CDKAL1: variants seen among roughly 807,000 people sequenced by gnomAD.
CDKAL1 encodes threonylcarbamoyladenosine tRNA methylthiotransferase.
In CDKAL1, 32 loss-of-function variants were observed where a neutral mutation model predicts 68.2. That is an observed-to-expected ratio of 0.47 (90% CI 0.35 to 0.63). The LOEUF is 0.63. CDKAL1 is among the 30% of genes least tolerant of loss of function. CDKAL1 has a pLI of 0.00. For missense variants in CDKAL1, 606 were observed against 696.7 expected, an observed-to-expected ratio of 0.87 and a Z score of 1.47; for synonymous variants, 234 against 244.3, an observed-to-expected ratio of 0.96 and a Z score of 0.39.
intron 11 of CDKAL1, among the ~76,000 whole-genome samples, chr6:21,009,477 A>G (rs1308506957): frequency 1.3e-5 from 2 of 152,224 alleles, no homozygotes; most frequent in African/African-American, 2.4e-5. Context: ...CAGAATGACT[A>G]TGTGCTACAG....
chr6:20,762,211 G>A (rs886074135), intron 7 of CDKAL1, among the ~76,000 whole-genome samples: 1 of 152,182 alleles, frequency 6.6e-6, no homozygotes, highest in Non-Finnish European at 1.5e-5. Context: ...AGTTAATCAT[G>A]GATAGCTCCT....
chr6:20,827,774 C>T (rs1242183544), intron 8 of CDKAL1, among the ~76,000 whole-genome samples: 1 of 152,014 alleles, frequency 6.6e-6, no homozygotes, highest in Non-Finnish European at 1.5e-5. Context: ...TGTCTTATAT[C>T]TAGAACTGAG....
intron 10 of CDKAL1, among the ~76,000 whole-genome samples, chr6:20,988,922 T>C (rs1168935901): frequency 6.6e-6 from 1 of 151,012 alleles, no homozygotes; most frequent in Non-Finnish European, 1.5e-5. Flanking sequence ...CCTCCCAAAA[T>C]GCTGGGATTA....
chr6:20,540,607 C>A (rs1049280159), intron 2 of CDKAL1, among the ~76,000 whole-genome samples: 8 of 151,922 alleles, frequency 5.3e-5, no homozygotes, highest in Non-Finnish European at 1.5e-5. Flanking sequence ...AGGTGCCCAC[C>A]ACCATGCCTG....
chr6:21,178,887 C>T (rs1273325407), intron 13 of CDKAL1, among the ~76,000 whole-genome samples: 1 of 152,206 alleles, frequency 6.6e-6, no homozygotes, highest in Admixed American at 6.5e-5. Flanking sequence ...GGTCTTTCTA[C>T]AGCACTCTGA....
intron 11 of CDKAL1, among the ~76,000 whole-genome samples, chr6:21,037,199 C>T (rs62403407): frequency 0.15 from 23,109 of 152,132 alleles, 1,910 homozygotes; most frequent in Middle Eastern, 0.23. Context: ...CCACAAGCTC[C>T]TTCCCTTTCC....
chr6:20,836,118 A>G (rs9465915), intron 8 of CDKAL1, among the ~76,000 whole-genome samples: 90,817 of 151,862 alleles, frequency 0.6, 27,824 homozygotes, highest in Non-Finnish European at 0.68. Context: ...TCCTATGAAT[A>G]GCCCACACCT....
At chr6:20,978,059 A>C (rs1031332405) in intron 10 of CDKAL1, among the ~76,000 whole-genome samples, 4 of 152,254 alleles carry the variant, frequency 2.6e-5, no homozygotes, top group African/African-American at 9.6e-5. Flanking sequence ...TGATATAGGG[A>C]ATACTAAACT....
chr6:21,055,441 A>G (rs7754018), intron 11 of CDKAL1, among the ~76,000 whole-genome samples: 28,919 of 151,750 alleles, frequency 0.19, 2,865 homozygotes, highest in Middle Eastern at 0.24. Context: ...TATGTAGGTA[A>G]ACGTGTGCTG....
chr6:20,892,086 CA>C (rs1398233099), intron 9 of CDKAL1, among the ~76,000 whole-genome samples: 3 of 152,006 alleles, frequency 2.0e-5, no homozygotes, highest in Admixed American at 6.6e-5. Context: ...GAAATCTTAC[CA>C]AAAAGTTGAA....
chr6:21,021,158 A>G (rs138156577), intron 11 of CDKAL1, among the ~76,000 whole-genome samples: 1 of 152,314 alleles, frequency 6.6e-6, no homozygotes, highest in African/African-American at 2.4e-5. Context: ...GATTAGATAG[A>G]TAGACTAAAT....
At chr6:20,630,000 C>G (rs192689063) in intron 4 of CDKAL1, among the ~76,000 whole-genome samples, 6 of 152,120 alleles carry the variant, frequency 3.9e-5, no homozygotes, top group Admixed American at 3.3e-4. Context: ...ACTATGGGCA[C>G]CCACCACCAC....
intron 5 of CDKAL1, among the ~76,000 whole-genome samples, chr6:20,736,616 A>G (rs963459610): frequency 4.6e-5 from 7 of 151,936 alleles, no homozygotes; most frequent in Admixed American, 2.0e-4. Flanking sequence ...TAAAAATACA[A>G]AAAAAATTAG....
chr6:21,066,628 T>C (rs1205682689), intron 12 of CDKAL1, among the ~76,000 whole-genome samples: 1 of 152,158 alleles, frequency 6.6e-6, no homozygotes, highest in Non-Finnish European at 1.5e-5. Flanking sequence ...CTGTTTTGTT[T>C]TGTTTTGCTT....
At chr6:20,719,030 G>T (rs1772223132) in intron 5 of CDKAL1, among the ~76,000 whole-genome samples, 1 of 152,172 alleles carries the variant, frequency 6.6e-6, no homozygotes, top group South Asian at 2.1e-4. Context: ...CAGAGAAGAA[G>T]ATTTGTCTTT....
At chr6:20,646,346 C>T (rs963566105) in intron 4 of CDKAL1, among the ~76,000 whole-genome samples, 5 of 151,234 alleles carry the variant, frequency 3.3e-5, no homozygotes, top group African/African-American at 1.2e-4. Flanking sequence ...TGAGCCACTG[C>T]ACCTGGCCAA....
At chr6:21,116,111 A>G (rs987314884) in intron 13 of CDKAL1, among the ~76,000 whole-genome samples, 58 of 152,292 alleles carry the variant, frequency 3.8e-4, no homozygotes, top group South Asian at 4.1e-4. Flanking sequence ...TCATACCTGT[A>G]TATTTTTTCC....
At chr6:20,774,861 T>A (rs1183879568) in intron 7 of CDKAL1, among the ~76,000 whole-genome samples, 1 of 152,222 alleles carries the variant, frequency 6.6e-6, no homozygotes, top group African/African-American at 2.4e-5. Context: ...AGCTGATTTA[T>A]AAATAACTGC....
intron 11 of CDKAL1, among the ~76,000 whole-genome samples, chr6:21,036,948 G>C (rs920998894): frequency 6.6e-6 from 1 of 152,190 alleles, no homozygotes; most frequent in Non-Finnish European, 1.5e-5. Flanking sequence ...AGAAGGGAAA[G>C]GTAGCGAGAG....
Sources: allele counts gnomAD v4.1 joint callset (sites outside exome capture counted in the v4.1 genomes callset), GRCh38; gene constraint gnomAD v4.1.1; transcripts MANE v1.5; gene names NCBI Gene and HGNC (gene_info 2026-07-23, HGNC 2026-07-21).